The following KANSL1L variants were observed in gnomAD, a reference collection of about 807,000 sequenced individuals.
The protein encoded by KANSL1L is KAT8 regulatory NSL complex subunit 1 like.
Under a neutral mutation model 108.6 loss-of-function variants are expected in KANSL1L, and 25 were observed. The ratio of observed to expected loss-of-function variants is 0.23; its 90% CI spans 0.17 to 0.32. KANSL1L has a LOEUF of 0.32. Ranked by LOEUF, KANSL1L falls within the 10% of genes least tolerant of loss-of-function variation. The pLI is 1.00. For synonymous variants in KANSL1L, 405 were observed against 395.1 expected (o/e 1.03, Z -0.30); for missense variants, 1,137 against 1,125.7 (o/e 1.01, Z -0.14).
At chr2:210,075,405 A>G in intron 6 of KANSL1L, 147 bp downstream of exon 6, 6 of 607,568 alleles carry the variant, frequency 9.9e-6, no homozygotes, top group South Asian at 4.4e-5. Context: ...AATATCTACT[A>G]TATCATTTTT....
chr2:210,128,503 A>C (rs2095089746), intron 3 of KANSL1L, among the ~76,000 whole-genome samples: 1 of 152,206 alleles, frequency 6.6e-6, no homozygotes, highest in Non-Finnish European at 1.5e-5. Flanking sequence ...GCTAGCCACA[A>C]AAAGACAAAA....
chr2:210,157,087 C>T, intron 1 of KANSL1L, among the ~76,000 whole-genome samples: 1 of 151,874 alleles, frequency 6.6e-6, no homozygotes, highest in Non-Finnish European at 1.5e-5. Context: ...AAATTTCTTC[C>T]AAGATTCAAG....
chr2:210,159,273 T>A (rs2095349453), intron 1 of KANSL1L, among the ~76,000 whole-genome samples: 1 of 152,238 alleles, frequency 6.6e-6, no homozygotes, highest in Non-Finnish European at 1.5e-5. Flanking sequence ...ACTTTGTGTT[T>A]GCTATTCTCT....
At chr2:210,170,346 A>G in intron 1 of KANSL1L, 2 of 985,270 alleles carry the variant, frequency 2.0e-6, no homozygotes, top group Non-Finnish European at 2.4e-6. Flanking sequence ...CCACAGTTCA[A>G]ACAAAAAAAC....
At chr2:210,036,230 G>A (rs2094101955) in intron 8 of KANSL1L, among the ~76,000 whole-genome samples, 1 of 152,060 alleles carries the variant, frequency 6.6e-6, no homozygotes, top group Non-Finnish European at 1.5e-5. Context: ...CACCCAAGCT[G>A]GAGTGCAGTG....
intron 6 of KANSL1L, among the ~76,000 whole-genome samples, chr2:210,070,941 C>G (rs1373997403): frequency 6.6e-6 from 1 of 152,012 alleles, no homozygotes; most frequent in African/African-American, 2.4e-5. Flanking sequence ...GGGTGGATCA[C>G]GAGGTCAGAA....
intron 1 of KANSL1L, among the ~76,000 whole-genome samples, chr2:210,156,198 A>G (rs554042157): frequency 4.6e-4 from 70 of 152,240 alleles, no homozygotes; most frequent in African/African-American, 1.6e-3. Context: ...AATGAGAGGA[A>G]TATAGATTAA....
In KANSL1L at chr2:210,028,955, C is replaced by T; in HGVS notation, c.2286G>A (p.Arg762=). ...CATAAGAGCTCTCACTTCTCAATCT[C>T]CGTCGTGCAGTATTCTGCAAAACAG... is the stretch of plus-strand genomic sequence containing the variant. ...IQNSSRNTAR[R]RLRSESSYDI... is the part of the protein sequence containing the mutation. Residue 762 remains arginine (R), a synonymous_variant, in exon 11 of 15, where the codon CGG becomes CGA. Transcript: ENST00000281772. The T allele has an allele frequency of 1.2e-6, 2 of 1,611,212 alleles. No individual in the cohort carries two copies. Among genetic ancestry groups the T allele is most frequent in the Non-Finnish European group, 1.7e-6 (2 of 1,178,228 alleles).
intron 2 of KANSL1L, among the ~76,000 whole-genome samples, chr2:210,143,532 G>C (rs2095244845): frequency 6.6e-6 from 1 of 152,024 alleles, no homozygotes; most frequent in Admixed American, 6.6e-5. Flanking sequence ...CAGATCCTTT[G>C]TTCCTTTCTT....
intron 6 of KANSL1L, among the ~76,000 whole-genome samples, chr2:210,059,141 A>G (rs2094392585): frequency 1.3e-5 from 2 of 151,572 alleles, no homozygotes; most frequent in African/African-American, 4.8e-5. Context: ...CCGTCTCAAA[A>G]AAAAAAAAAA....
intron 7 of KANSL1L, 160 bp downstream of exon 7, chr2:210,043,779 A>T: frequency 4.3e-6 from 2 of 461,600 alleles, no homozygotes; most frequent in Admixed American, 8.1e-5. Flanking sequence ...TGACTAGATT[A>T]ATTCCTCTAC....
At chr2:210,099,740 T>C (rs1447633881) in intron 4 of KANSL1L, among the ~76,000 whole-genome samples, 1 of 152,072 alleles carries the variant, frequency 6.6e-6, no homozygotes, top group Non-Finnish European at 1.5e-5. Context: ...TGGATATATG[T>C]GAATAATGGG....
At position 210,050,445 on chromosome 2, in the gene KANSL1L, G is replaced by C. The variant is rs1471624854; in HGVS notation, c.1756-6341C>G. On this transcript the variant is annotated intron_variant, in intron 6 of 14. Transcript: ENST00000281772. ...AAACCACTTTAAATATAAAGTAATA[G>C]GTAAAAGCAAAAGTATAGAGCAGAC... 2.0e-5 allele frequency among the ~76,000 whole-genome samples: 3 copies of C among 152,020 alleles called. No homozygotes were observed. In the South Asian group the frequency reaches 6.2e-4, roughly 32 times the overall value.
At chr2:210,055,307 C>T (rs1411958240) in intron 6 of KANSL1L, among the ~76,000 whole-genome samples, 1 of 152,178 alleles carries the variant, frequency 6.6e-6, no homozygotes, top group African/African-American at 2.4e-5. Flanking sequence ...TTATAAAAGA[C>T]CCAGTCTTGG....
chr2:210,059,094 C>T (rs1382542706), intron 6 of KANSL1L, among the ~76,000 whole-genome samples: 7 of 148,854 alleles, frequency 4.7e-5, no homozygotes, highest in Non-Finnish European at 1.0e-4. Context: ...CCTGAGACCA[C>T]GTCACTGCAC....
At chr2:210,056,738 C>T (rs1003533547) in intron 6 of KANSL1L, among the ~76,000 whole-genome samples, 2 of 152,146 alleles carry the variant, frequency 1.3e-5, no homozygotes, top group Non-Finnish European at 2.9e-5. Context: ...GCTTTAGCCT[C>T]CCAAAGATTG....
chr2:210,092,222 A>C (rs2094698561), intron 5 of KANSL1L, among the ~76,000 whole-genome samples: 1 of 152,104 alleles, frequency 6.6e-6, no homozygotes, highest in South Asian at 2.1e-4. Flanking sequence ...GTAATTTTTC[A>C]GTCACTCTCT....
chr2:210,024,803 G>T (rs1411187721), intron 13 of KANSL1L, among the ~76,000 whole-genome samples: 1 of 152,116 alleles, frequency 6.6e-6, no homozygotes, highest in East Asian at 1.9e-4. Flanking sequence ...CATTATTAAA[G>T]TAGATTGAAA....
intron 7 of KANSL1L, among the ~76,000 whole-genome samples, chr2:210,042,725 A>G (rs897115589): frequency 1.3e-5 from 2 of 152,198 alleles, no homozygotes; most frequent in African/African-American, 2.4e-5. Context: ...CTACATTATT[A>G]TTGTTATATG....
Sources: allele counts gnomAD v4.1 joint callset (sites outside exome capture counted in the v4.1 genomes callset), GRCh38; gene constraint gnomAD v4.1.1; transcripts MANE v1.5; gene names NCBI Gene and HGNC (gene_info 2026-07-23, HGNC 2026-07-21).